Variants in EFEMP1 observed in about 807,000 individuals in gnomAD.
EFEMP1 encodes the protein EGF-like fibulin extracellular matrix protein 1.
A neutral mutation model predicts 65.7 loss-of-function variants in EFEMP1; 18 were observed. The ratio of observed to expected loss-of-function variants is 0.27; its 90% CI spans 0.19 to 0.41. The LOEUF is 0.41. Ranked by LOEUF, EFEMP1 falls within the 10% of genes least tolerant of loss-of-function variation. The pLI, the probability that EFEMP1 is intolerant of heterozygous loss-of-function variation, is 1.00. For synonymous variants in EFEMP1, 237 were observed against 219.7 expected (o/e 1.08, Z -0.70); for missense variants, 469 against 624.8 (o/e 0.75, Z 2.66).
At chr2:55,909,388 A>C (rs147778029) in intron 5 of EFEMP1, among the ~76,000 whole-genome samples, 1 of 152,328 alleles carries the variant, frequency 6.6e-6, no homozygotes, top group African/African-American at 2.4e-5. Context: ...AAAGTGGTTC[A>C]TCAATTGTTC....
At chr2:55,920,018 C>G (rs1282282045) in intron 3 of EFEMP1, among the ~76,000 whole-genome samples, 1 of 152,206 alleles carries the variant, frequency 6.6e-6, no homozygotes, top group Non-Finnish European at 1.5e-5. Context: ...TGTTGCTCCT[C>G]TCTCTGAGAC....
rs113441617 is a variant in EFEMP1 at position 55,872,341 on chromosome 2, T to C, written c.1001-1218A>G. Among the ~76,000 whole-genome samples, 830 of 152,256 alleles carry C rather than the reference T, an allele frequency of 5.5e-3. 8 individuals are homozygous for C. Among genetic ancestry groups the C allele is most frequent in the African/African-American group, 0.019 (778 of 41,562 alleles). On this transcript the variant is annotated intron_variant, in intron 9 of 11. Transcript: ENST00000355426. ...GTTCTTTTTTAAGGGCCTTTATTGC[T>C]TTCTGCTTTGCATTATTGCAATCTG... is the stretch of plus-strand genomic sequence containing the variant.
In EFEMP1 at chr2:55,870,818, A is replaced by C; in HGVS notation, c.1222T>G (p.Ser408Ala). ...GTGGCCTGTATCTGGAAGATGTCTG[A>C]TGGCACAGACCTATCAGATCGGATG... Reference protein sequence around the residue: ...MSIRSDRSVPSDIFQIQATTI... With the variant: ...MSIRSDRSVPADIFQIQATTI... The change falls in exon 11 of 12, where the codon TCA (serine) becomes GCA (alanine). Residue 408 changes from serine (S) to alanine (A), a missense_variant. This residue lies in a region of EFEMP1 where 399 missense variants were observed against 528.2 expected (regional missense o/e 0.76). Transcript: ENST00000355426. This position sits in a 1 kb window ranked among gnomAD's most constrained non-coding sequence, Gnocchi z 5.8. 1 of 1,613,840 alleles carries C rather than the reference A, an allele frequency of 6.2e-7. No homozygotes were observed. Among genetic ancestry groups the C allele is most frequent in the Non-Finnish European group, 8.5e-7 (1 of 1,179,812 alleles).
In EFEMP1 at chr2:55,877,075, C is replaced by CT. The variant is rs1327005531; in HGVS notation, c.761-334dup. ...AAATATACACTCCGGTATCGATTTT[C>CT]TTTTGTTGTTCAGATACAAAATGCC... On this transcript the variant is annotated intron_variant, in intron 7 of 11. Coordinates refer to ENST00000355426, the MANE Select transcript of EFEMP1 (RefSeq NM_001039348.3). This position sits in a 1 kb window ranked among gnomAD's most constrained non-coding sequence, Gnocchi z 4.5. Among the ~76,000 whole-genome samples the CT allele has an allele frequency of 6.6e-6, 1 of 152,046 alleles. No individual in the cohort carries two copies. Among genetic ancestry groups the CT allele is most frequent in the Admixed American group, 6.6e-5 (1 of 15,252 alleles).
chr2:55,886,555 G>T lies in EFEMP1; in HGVS notation c.518-4821C>A, dbSNP rs1669427344. On this transcript the variant is annotated intron_variant, in intron 5 of 11. Coordinates refer to ENST00000355426, the MANE Select transcript of EFEMP1 (RefSeq NM_001039348.3). This position sits in a 1 kb window ranked among gnomAD's most constrained non-coding sequence, Gnocchi z 4.0. Reference sequence around the variant, plus strand: ...ATAAATGGAGTAAAGTAGAAAAATGGTCAAGGTAAAGGATTCATGTTTGTT... The same window carrying T: ...ATAAATGGAGTAAAGTAGAAAAATGTTCAAGGTAAAGGATTCATGTTTGTT... Among the ~76,000 whole-genome samples the T allele has an allele frequency of 6.6e-6, 1 of 152,208 alleles. No individual in the cohort carries two copies. The highest frequency in any genetic ancestry group is 1.5e-5 in the Non-Finnish European group (1 of 67,986).
At chr2:55,888,441 G>A (rs1379707587) in intron 5 of EFEMP1, among the ~76,000 whole-genome samples, 4 of 146,214 alleles carry the variant, frequency 2.7e-5, no homozygotes, top group African/African-American at 7.6e-5. Flanking sequence ...AGATTCCAGC[G>A]ATTCTCCTGA....
At position 55,866,858 on chromosome 2, in the gene EFEMP1, G is replaced by C. The variant is rs1164883219; in HGVS notation, c.*215C>G. On this transcript the variant is annotated 3_prime_UTR_variant, in exon 12 of 12. Transcript: ENST00000355426. ...TCTCTTGAAGAAGACCAGTTTAGTG[G>C]ATTAATGTCTAATTTACATATAGTA... 1 of 567,770 alleles carries C rather than the reference G, an allele frequency of 1.8e-6. No individual in the cohort carries two copies. The highest frequency in any genetic ancestry group is 3.1e-6 in the Non-Finnish European group (1 of 327,852). 35.2% of individuals were successfully genotyped at this position (567,770 alleles called of 1,614,324 possible).
At chr2:55,902,480 CA>C (rs1216368100) in intron 5 of EFEMP1, among the ~76,000 whole-genome samples, 1 of 152,168 alleles carries the variant, frequency 6.6e-6, no homozygotes, top group Non-Finnish European at 1.5e-5. Context: ...TTAATATATG[CA>C]AAAAGTTTAT....
chr2:55,879,652 T>C (rs189499301), intron 6 of EFEMP1, among the ~76,000 whole-genome samples: 1 of 151,966 alleles, frequency 6.6e-6, no homozygotes, highest in Non-Finnish European at 1.5e-5. Context: ...AATTATTCCA[T>C]GGAATGAGAA....
intron 5 of EFEMP1, among the ~76,000 whole-genome samples, chr2:55,890,047 T>C (rs548994695): frequency 6.6e-6 from 1 of 151,896 alleles, no homozygotes; most frequent in Non-Finnish European, 1.5e-5. Flanking sequence ...AATTGTCAAA[T>C]TGATTAAAAA....
In EFEMP1 at chr2:55,873,150, C is replaced by T. The variant is rs1385966315; in HGVS notation, c.1000+1796G>A. ...GAAATGAGAACAGTTATTTCATCCACAAAATAAGTCTTTTAGAGAAAGTTA... is the reference window on the plus strand; with the variant it reads ...GAAATGAGAACAGTTATTTCATCCATAAAATAAGTCTTTTAGAGAAAGTTA... On this transcript the variant is annotated intron_variant, in intron 9 of 11. Transcript: ENST00000355426. This position sits in a 1 kb window ranked among gnomAD's most constrained non-coding sequence, Gnocchi z 4.6. Among the ~76,000 whole-genome samples, 1 of 151,432 alleles carries T rather than the reference C, an allele frequency of 6.6e-6. No individual in the cohort carries two copies. The highest frequency in any genetic ancestry group is 1.5e-5 in the Non-Finnish European group (1 of 67,872).
At position 55,917,045 on chromosome 2, in the gene EFEMP1, C is replaced by G. The variant is rs117980541; in HGVS notation, c.517+620G>C. Among the ~76,000 whole-genome samples the G allele has an allele frequency of 1.5e-3, 228 of 152,188 alleles. 4 individuals are homozygous for G. The East Asian group carries it at 0.04, about 26-fold the overall frequency. ...TAAACGTGAGTGGGGGAGAATCCCTCCAAGGTAATGAGAAGCAGGAGCCCC... is the reference window on the plus strand; with the variant it reads ...TAAACGTGAGTGGGGGAGAATCCCTGCAAGGTAATGAGAAGCAGGAGCCCC... On this transcript the variant is annotated intron_variant, in intron 5 of 11. Transcript: ENST00000355426. The surrounding 1 kb of genome is among the most constrained non-coding windows in gnomAD (Gnocchi z 6.3).
chr2:55,895,942 GCCC>G (rs1669816697), intron 5 of EFEMP1, among the ~76,000 whole-genome samples: 1 of 152,090 alleles, frequency 6.6e-6, no homozygotes, highest in Non-Finnish European at 1.5e-5. Flanking sequence ...CTTAATTAAA[GCCC>G]CCTTAAGGAT....
Position 55,922,237 on chromosome 2 carries a change from T to G in EFEMP1, c.81+123A>C. The G allele has an allele frequency of 1.1e-6, 1 of 884,406 alleles. No homozygotes were observed. 54.8% of individuals were successfully genotyped at this position (884,406 alleles called of 1,614,324 possible). On this transcript the variant is annotated intron_variant, in intron 3 of 11. Transcript: ENST00000355426. This position sits in a 1 kb window ranked among gnomAD's most constrained non-coding sequence, Gnocchi z 5.5. ...TCTTAGATATGAAGCATGAATGAAG[T>G]GTTGTTTAATTTATCACCCTCAGCA...
chr2:55,882,729 C>A (rs1463086018), intron 5 of EFEMP1, among the ~76,000 whole-genome samples: 1 of 152,104 alleles, frequency 6.6e-6, no homozygotes, highest in South Asian at 2.1e-4. Context: ...TTAACAATAT[C>A]ATAAAACTTG....
At chr2:55,897,602 G>A (rs969260959) in intron 5 of EFEMP1, among the ~76,000 whole-genome samples, 1 of 152,088 alleles carries the variant, frequency 6.6e-6, no homozygotes, top group Non-Finnish European at 1.5e-5. Context: ...AAGTGAGATC[G>A]AAATCCAGTT....
At chr2:55,905,241 T>C (rs1384898283) in intron 5 of EFEMP1, among the ~76,000 whole-genome samples, 1 of 152,148 alleles carries the variant, frequency 6.6e-6, no homozygotes, top group East Asian at 1.9e-4. Flanking sequence ...AAATGAAAAA[T>C]ACCATTCACA....
intron 5 of EFEMP1, among the ~76,000 whole-genome samples, chr2:55,893,079 A>C (rs1401863517): frequency 2.0e-5 from 3 of 152,146 alleles, no homozygotes; most frequent in African/African-American, 7.2e-5. Context: ...TATGTGGTTA[A>C]TGTGGATGAC....
intron 5 of EFEMP1, among the ~76,000 whole-genome samples, chr2:55,895,697 T>C (rs540348597): frequency 6.6e-6 from 1 of 151,750 alleles, no homozygotes; most frequent in Non-Finnish European, 1.5e-5. Context: ...GCCCGCCACC[T>C]CGCCCGGCTA....
Sources: allele counts gnomAD v4.1 joint callset (sites outside exome capture counted in the v4.1 genomes callset), GRCh38; gene constraint gnomAD v4.1.1; regional missense constraint gnomAD v4.1.1; non-coding constraint Gnocchi (gnomAD v3.1); transcripts MANE v1.5; gene names NCBI Gene and HGNC (gene_info 2026-07-23, HGNC 2026-07-21).